The following DACH2 variants were observed in gnomAD, a reference collection of about 807,000 sequenced individuals.
The protein encoded by DACH2 is dachshund homolog 2.
Under a neutral mutation model 35.8 loss-of-function variants are expected in DACH2, and 17 were observed. The ratio of observed to expected loss-of-function variants is 0.48; its 90% CI spans 0.33 to 0.71. The LOEUF (loss-of-function observed/expected upper bound fraction) is 0.71, where lower values mean the gene tolerates loss of function less well. Ranked by LOEUF, DACH2 falls within the 30% of genes least tolerant of loss-of-function variation. The pLI, the probability that DACH2 is intolerant of heterozygous loss-of-function variation, is 0.02. For synonymous variants in DACH2, 195 were observed against 177.3 expected (o/e 1.10, Z -0.79); for missense variants, 469 against 472.7 (o/e 0.99, Z 0.07).
intron 4 of DACH2, among the ~76,000 whole-genome samples, chrX:86,654,834 T>G (rs1483268484): frequency 1.8e-5 from 2 of 111,617 alleles, no homozygotes; most frequent in African/African-American, 6.5e-5. Flanking sequence ...TTATATAGAT[T>G]TAAATGAAGT....
chrX:86,796,207 C>T (rs988314846), intron 7 of DACH2, among the ~76,000 whole-genome samples: 3 of 111,444 alleles, frequency 2.7e-5, no homozygotes, highest in African/African-American at 9.8e-5. Context: ...AGACCCAGAG[C>T]GCTGACTGGT....
At chrX:86,823,060 C>A (rs368055299) in intron 11 of DACH2, among the ~76,000 whole-genome samples, 2 of 111,080 alleles carry the variant, frequency 1.8e-5, no homozygotes, top group African/African-American at 6.6e-5. Context: ...TCAAGCGATT[C>A]TTCTGCCTCC....
intron 2 of DACH2, among the ~76,000 whole-genome samples, chrX:86,476,643 G>A (rs1432609047): frequency 9.0e-6 from 1 of 111,115 alleles, no homozygotes. Context: ...TCATGTCAAT[G>A]TCATTATTTC....
At chrX:86,739,093 C>T (rs915322442) in intron 6 of DACH2, among the ~76,000 whole-genome samples, 6 of 110,893 alleles carry the variant, frequency 5.4e-5, no homozygotes, top group Middle Eastern at 9.2e-3. Flanking sequence ...AGGCTGATAT[C>T]GAACTCCTGA....
chrX:86,331,667 T>A (rs1193769347), intron 1 of DACH2, among the ~76,000 whole-genome samples: 1 of 111,546 alleles, frequency 9.0e-6, no homozygotes, highest in Non-Finnish European at 1.9e-5. Flanking sequence ...TTCTATTGAT[T>A]GATATTTTAC....
intron 7 of DACH2, among the ~76,000 whole-genome samples, chrX:86,797,048 C>A (rs926418650): frequency 1.3e-4 from 15 of 111,391 alleles, no homozygotes; most frequent in African/African-American, 4.9e-4. Flanking sequence ...CTCTTTCTCT[C>A]AAAACATTTT....
intron 3 of DACH2, among the ~76,000 whole-genome samples, chrX:86,581,274 A>C (rs2039497223): frequency 8.9e-6 from 1 of 111,754 alleles, no homozygotes; most frequent in African/African-American, 3.3e-5. Context: ...TCAAAAACAC[A>C]CCTGAGTACA....
intron 3 of DACH2, among the ~76,000 whole-genome samples, chrX:86,516,144 T>C (rs2038463896): frequency 8.9e-6 from 1 of 111,816 alleles, no homozygotes; most frequent in African/African-American, 3.3e-5. Context: ...AAACAAATTC[T>C]GATATAAGAG....
At chrX:86,345,903 A>T (rs183853194) in intron 1 of DACH2, among the ~76,000 whole-genome samples, 124 of 112,372 alleles carry the variant, frequency 1.1e-3, no homozygotes, top group African/African-American at 3.7e-3. Context: ...AGCAATCTAC[A>T]TTTTTTATAT....
At chrX:86,190,832 T>A (rs1333080278) in intron 1 of DACH2, among the ~76,000 whole-genome samples, 1 of 111,220 alleles carries the variant, frequency 9.0e-6, no homozygotes, top group African/African-American at 3.3e-5. Flanking sequence ...TAATCCCAGC[T>A]ACTCGGGAAG....
intron 1 of DACH2, among the ~76,000 whole-genome samples, chrX:86,242,178 A>G (rs992068025): frequency 8.9e-6 from 1 of 111,940 alleles, no homozygotes; most frequent in Non-Finnish European, 1.9e-5. Flanking sequence ...TGCACCATAT[A>G]TCTGGAAAAG....
intron 3 of DACH2, among the ~76,000 whole-genome samples, chrX:86,517,029 G>A (rs1362483841): frequency 9.0e-6 from 1 of 111,442 alleles, no homozygotes; most frequent in Non-Finnish European, 1.9e-5. Context: ...TCACGTGCAT[G>A]TTTCTTTATC....
intron 2 of DACH2, among the ~76,000 whole-genome samples, chrX:86,421,450 T>C (rs1228732589): frequency 9.0e-6 from 1 of 111,453 alleles, no homozygotes; most frequent in Non-Finnish European, 1.9e-5. Context: ...ATTTGAGTGG[T>C]ACCTTGAAGG....
intron 1 of DACH2, among the ~76,000 whole-genome samples, chrX:86,308,674 T>G (rs1183217506): frequency 2.7e-5 from 3 of 111,633 alleles, no homozygotes; most frequent in African/African-American, 9.8e-5. Flanking sequence ...ATTTATGTAG[T>G]GAATCTTTCA....
chrX:86,543,826 G>T (rs1176305294), intron 3 of DACH2, among the ~76,000 whole-genome samples: 2 of 81,554 alleles, frequency 2.5e-5, no homozygotes, highest in African/African-American at 9.3e-5. Context: ...CACACTCTGG[G>T]GACTATTGTG....
intron 3 of DACH2, among the ~76,000 whole-genome samples, chrX:86,550,325 A>C (rs62593277): frequency 0.049 from 5,463 of 111,412 alleles, 117 homozygotes; most frequent in Middle Eastern, 0.098. Context: ...AATTTTATTT[A>C]TGGAAAAAAT....
At chrX:86,456,552 A>G (rs1460726443) in intron 2 of DACH2, among the ~76,000 whole-genome samples, 1 of 111,330 alleles carries the variant, frequency 9.0e-6, no homozygotes, top group Admixed American at 9.6e-5. Context: ...ATATATGTTT[A>G]TATGTTTTAA....
chrX:86,213,491 G>A (rs1232656300), intron 1 of DACH2, among the ~76,000 whole-genome samples: 9 of 110,884 alleles, frequency 8.1e-5, no homozygotes, highest in African/African-American at 2.9e-4. Flanking sequence ...TGAAAAGCTG[G>A]CAAACTTAAA....
intron 2 of DACH2, among the ~76,000 whole-genome samples, chrX:86,493,886 A>C (rs1363617379): frequency 8.9e-6 from 1 of 112,071 alleles, no homozygotes; most frequent in East Asian, 2.8e-4. Context: ...ATTGCTAGAG[A>C]CCTTTTCACT....
Sources: gnomAD v4.1 joint callset for allele counts (sites outside exome capture counted in the v4.1 genomes callset) on GRCh38, gnomAD v4.1.1 for gene constraint, MANE v1.5 for transcripts, NCBI Gene and HGNC (gene_info 2026-07-23, HGNC 2026-07-21) for gene names.